The following MAOB variants were observed in gnomAD, a reference collection of about 807,000 sequenced individuals.
MAOB encodes amine oxidase [flavin-containing] B.
A neutral mutation model predicts 41.9 loss-of-function variants in MAOB; 15 were observed. That is an observed-to-expected ratio of 0.36 (90% confidence interval 0.24 to 0.55). The LOEUF is 0.55. Among genes scored for constraint, MAOB ranks in the 20% least tolerant of loss-of-function variants. The pLI, the probability that MAOB is intolerant of heterozygous loss-of-function variation, is 0.86. For synonymous variants in MAOB, 167 were observed against 144.2 expected (o/e 1.16, Z -1.13); for missense variants, 345 against 398.7 (o/e 0.87, Z 1.15).
chrX:43,773,043 A>C (rs2034205278), intron 12 of MAOB, among the ~76,000 whole-genome samples: 1 of 112,171 alleles, frequency 8.9e-6, no homozygotes, highest in African/African-American at 3.2e-5. Context: ...TATTTTAAGC[A>C]ATGCAAGAAT....
chrX:43,799,133 C>G (rs771451217), intron 5 of MAOB, among the ~76,000 whole-genome samples: 1 of 111,517 alleles, frequency 9.0e-6, no homozygotes, highest in African/African-American at 3.3e-5. Flanking sequence ...GCAGCTGTAA[C>G]AACCTGACAG....
In MAOB at chrX:43,775,059, T is replaced by G. The variant is rs2034236406; in HGVS notation, c.1235+116A>C. 3.4e-5 allele frequency: 29 copies of G among 843,714 alleles called. No homozygotes were observed. The South Asian group carries it at 3.5e-4, about 10-fold the overall frequency. 69.5% of individuals were successfully genotyped at this position (843,714 alleles called of 1,213,427 possible). A position where few individuals can be genotyped will look rare whatever the true frequency, so the allele number is the denominator to read the frequency against. On this transcript the variant is annotated intron_variant, in intron 12 of 14. Transcript: ENST00000378069. The stretch of plus-strand genomic sequence containing the variant: ...AGATACAAAGGAAATTGGGTTGTTT[T>G]TTTTTTTTTTTTTTGTATTTATAAG...
intron 9 of MAOB, 84 bp downstream of exon 9, chrX:43,781,364 C>G (rs2034329771): frequency 1.4e-5 from 7 of 518,012 alleles, no homozygotes; most frequent in Non-Finnish European, 2.0e-5. Context: ...AATCACTTAA[C>G]AAAGTTTGGG....
chrX:43,864,293 C>T (rs1431166805), intron 1 of MAOB, among the ~76,000 whole-genome samples: 1 of 111,203 alleles, frequency 9.0e-6, no homozygotes, highest in Non-Finnish European at 1.9e-5. Context: ...AATATATATA[C>T]AATACATACA....
chrX:43,826,752 G>A (rs187424920), intron 3 of MAOB, among the ~76,000 whole-genome samples: 4 of 110,828 alleles, frequency 3.6e-5, no homozygotes, highest in South Asian at 3.9e-4. Context: ...CCACTTCTCC[G>A]ATGACAGACC....
At chrX:43,879,579 G>C (rs2035460980) in intron 1 of MAOB, among the ~76,000 whole-genome samples, 1 of 111,494 alleles carries the variant, frequency 9.0e-6, no homozygotes, top group Non-Finnish European at 1.9e-5. Flanking sequence ...TGTCCTCCCA[G>C]AACCTCCAAC....
At chrX:43,786,878 T>G (rs556446301) in intron 8 of MAOB, among the ~76,000 whole-genome samples, 2 of 111,438 alleles carry the variant, frequency 1.8e-5, no homozygotes, top group South Asian at 7.6e-4. Context: ...GTCATGTTCA[T>G]GCCAGGACAA....
At chrX:43,839,974 A>G (rs1442246001) in intron 2 of MAOB, among the ~76,000 whole-genome samples, 1 of 112,328 alleles carries the variant, frequency 8.9e-6, no homozygotes, top group Non-Finnish European at 1.9e-5. Context: ...AAGTGGTATT[A>G]ACACAGAAGA....
intron 1 of MAOB, among the ~76,000 whole-genome samples, chrX:43,873,834 G>A (rs1267710602): frequency 2.7e-5 from 3 of 110,536 alleles, no homozygotes; most frequent in Non-Finnish European, 5.7e-5. Context: ...CCACCACCAC[G>A]CCCGGCTAAT....
chrX:43,813,652 T>G (rs1196559606), intron 3 of MAOB, among the ~76,000 whole-genome samples: 2 of 111,945 alleles, frequency 1.8e-5, no homozygotes, highest in African/African-American at 6.5e-5. Flanking sequence ...CTGTCCCTCC[T>G]GTTCCCATGC....
At chrX:43,820,395 T>C (rs1223671465) in intron 3 of MAOB, among the ~76,000 whole-genome samples, 3 of 112,100 alleles carry the variant, frequency 2.7e-5, no homozygotes, top group Admixed American at 9.5e-5. Flanking sequence ...ATTGTAAAAT[T>C]TCAGGTTCAT....
In MAOB at chrX:43,871,934, G is replaced by C; in HGVS notation, c.46+10320C>G. Among the ~76,000 whole-genome samples, 3 of 111,467 alleles carry C rather than the reference G, an allele frequency of 2.7e-5. 1 individual carries two copies. The Admixed American group carries it at 2.9e-4, about 11-fold the overall frequency. On this transcript the variant is annotated intron_variant, in intron 1 of 14. Transcript: ENST00000378069. Reference sequence around the variant, plus strand: ...TCACAGGATTTGAATGCAAAATACAGAGGAAATTAAAATGTAAAACATGAA... The same window carrying C: ...TCACAGGATTTGAATGCAAAATACACAGGAAATTAAAATGTAAAACATGAA...
intron 1 of MAOB, among the ~76,000 whole-genome samples, chrX:43,857,808 C>T (rs187359914): frequency 8.9e-6 from 1 of 111,753 alleles, no homozygotes; most frequent in East Asian, 2.8e-4. Flanking sequence ...CCCAAAAGTC[C>T]CAGGGAGCTG....
chrX:43,826,678 C>T (rs2034951116), intron 3 of MAOB, among the ~76,000 whole-genome samples: 1 of 111,713 alleles, frequency 9.0e-6, no homozygotes, highest in African/African-American at 3.3e-5. Context: ...GAAGGCATCA[C>T]ATGGTGAGAA....
At chrX:43,777,115 T>C (rs1228404240) in intron 11 of MAOB, among the ~76,000 whole-genome samples, 2 of 111,397 alleles carry the variant, frequency 1.8e-5, no homozygotes, top group Admixed American at 1.9e-4. Context: ...TGTAAACTAG[T>C]TCAACCACTG....
chrX:43,851,928 T>C (rs1188240808), intron 1 of MAOB, among the ~76,000 whole-genome samples: 1 of 111,215 alleles, frequency 9.0e-6, no homozygotes, highest in Non-Finnish European at 1.9e-5. Flanking sequence ...GCCTAGTGAG[T>C]CTGCCCCAAC....
chrX:43,797,312 A>G, intron 5 of MAOB, 46 bp from the exon 6 acceptor site: 1 of 1,036,535 alleles, frequency 9.6e-7, no homozygotes, highest in Non-Finnish European at 1.3e-6. Context: ...GCAGGAGAGC[A>G]GCTTCTTAAT....
chrX:43,799,725 TATA>T (rs1342676322), intron 5 of MAOB, among the ~76,000 whole-genome samples: 1 of 111,011 alleles, frequency 9.0e-6, no homozygotes. Context: ...AGATAAATGT[TATA>T]ATATTTTTCT....
At chrX:43,824,665 A>G (rs1392407471) in intron 3 of MAOB, among the ~76,000 whole-genome samples, 1 of 111,447 alleles carries the variant, frequency 9.0e-6, no homozygotes, top group Non-Finnish European at 1.9e-5. Flanking sequence ...CCTGGGCAAC[A>G]GAGTGAGACT....
Sources: allele counts gnomAD v4.1 joint callset (sites outside exome capture counted in the v4.1 genomes callset), GRCh38; gene constraint gnomAD v4.1.1; transcripts MANE v1.5; gene names NCBI Gene and HGNC (gene_info 2026-07-23, HGNC 2026-07-21).